Variants in PCDHGC3 observed in about 807,000 individuals in gnomAD.
The protein encoded by PCDHGC3 is protocadherin gamma-C3.
A neutral mutation model predicts 59.2 loss-of-function variants in PCDHGC3; 26 were observed. The ratio of observed to expected loss-of-function variants is 0.44; its 90% CI spans 0.32 to 0.61. The LOEUF (loss-of-function observed/expected upper bound fraction) is 0.61, where lower values mean the gene tolerates loss of function less well. PCDHGC3 is among the 20% of genes least tolerant of loss of function. The pLI is 0.05. For missense variants in PCDHGC3, 1,080 were observed against 1,221.8 expected (o/e 0.88, Z 1.73); for synonymous variants, 487 against 519.7 (o/e 0.94, Z 0.86).
At position 141,511,574 on chromosome 5, in the gene PCDHGC3, GT is replaced by G. The variant is rs1158598698; in HGVS notation, c.*403del. ...CAGTTCCTCTTTCCCGAGTAAGGTG[GT>G]TGGGGTGTTGAAGTACCAAGTAACC... On this transcript the variant is annotated 3_prime_UTR_variant, in exon 4 of 4. Coordinates refer to ENST00000308177, the MANE Select transcript of PCDHGC3 (RefSeq NM_002588.4). 3.5e-6 allele frequency: 1 copy of G among 287,556 alleles called. No individual in the cohort carries two copies. The highest frequency in any genetic ancestry group is 2.2e-5 in the African/African-American group (1 of 46,340). 17.8% of individuals were successfully genotyped at this position (287,556 alleles called of 1,614,324 possible).
At chr5:141,510,402 G>A (rs2099880998) in intron 3 of PCDHGC3, among the ~76,000 whole-genome samples, 1 of 152,008 alleles carries the variant, frequency 6.6e-6, no homozygotes, top group African/African-American at 2.4e-5. Flanking sequence ...GCAAAGGCTA[G>A]GGGCATGTAA....
At chr5:141,505,935 C>T (rs2099849264) in intron 3 of PCDHGC3, among the ~76,000 whole-genome samples, 1 of 152,146 alleles carries the variant, frequency 6.6e-6, no homozygotes, top group African/African-American at 2.4e-5. Flanking sequence ...CGCTTGGAAG[C>T]CCTCAAGCAA....
Position 141,478,259 on chromosome 5 carries a change from T to G in PCDHGC3, c.2143T>G (p.Phe715Val). 1 of 1,614,182 alleles carries G rather than the reference T, an allele frequency of 6.2e-7. No homozygotes were observed. The change falls in exon 1 of 4, where the codon TTC becomes GTC. Residue 715 changes from phenylalanine to valine, a missense_variant. Coordinates refer to ENST00000308177, the MANE Select transcript of PCDHGC3 (RefSeq NM_002588.4). ...GGTCACAGTGTTCGGAGTAATCATA[T>G]TCAAAGTTTACAAGTGGAAGCAGTC... The part of the protein sequence containing the change: ...FVVTVFGVII[F>V]KVYKWKQSRD...
At chr5:141,492,703 G>A (rs2099743198) in intron 1 of PCDHGC3, among the ~76,000 whole-genome samples, 1 of 152,246 alleles carries the variant, frequency 6.6e-6, no homozygotes, top group Non-Finnish European at 1.5e-5. Flanking sequence ...CAACCCAGAA[G>A]CCTCGAGCAG....
chr5:141,503,209 C>T (rs963237902), intron 2 of PCDHGC3, among the ~76,000 whole-genome samples: 3 of 152,020 alleles, frequency 2.0e-5, no homozygotes, highest in African/African-American at 7.3e-5. Context: ...TCTCAGTGCC[C>T]ACCATGAGCA....
At chr5:141,504,991 G>A (rs896449285) in intron 2 of PCDHGC3, among the ~76,000 whole-genome samples, 44 of 152,034 alleles carry the variant, frequency 2.9e-4, no homozygotes, top group Admixed American at 2.6e-3. Context: ...GTGAAACCCC[G>A]TCTGTACTAA....
Position 141,491,401 on chromosome 5 carries a change from G to A in PCDHGC3, c.2431-3406G>A. The A allele has an allele frequency of 6.2e-7, 1 of 1,614,100 alleles. No homozygotes were observed. ...GTCAGCGAAGTGCCTTCAGGGAAAC[G>A]CAGACGGGGACGGGGGTGGAGGGCA... On this transcript the variant is annotated intron_variant, in intron 1 of 3. Transcript: ENST00000308177. This position sits in a 1 kb window ranked among gnomAD's most constrained non-coding sequence, Gnocchi z 6.9.
In PCDHGC3 at chr5:141,477,913, T is replaced by G; in HGVS notation, c.1797T>G (p.Asp599Glu). ...CACGGGTGGTAGGCTGGGACGCGGA[T>G]GCAGGGCACAATGCCTGGCTCTCCT... ...LVSRVVGWDADAGHNAWLSYS... is the reference protein window; with the variant it reads ...LVSRVVGWDAEAGHNAWLSYS... Residue 599 changes from aspartate (D) to glutamate (E), a missense_variant, in exon 1 of 4, where the codon GAT becomes GAG. By Grantham distance (45) the Asp-to-Glu change is conservative (BLOSUM62 2). Transcript: ENST00000308177. This position sits in a 1 kb window ranked among gnomAD's most constrained non-coding sequence, Gnocchi z 4.9. 6.2e-7 allele frequency: 1 copy of G among 1,614,190 alleles called. No individual in the cohort carries two copies. Among genetic ancestry groups the G allele is most frequent in the Non-Finnish European group, 8.5e-7 (1 of 1,180,024 alleles).
At chr5:141,503,620 A>C (rs1475731896) in intron 2 of PCDHGC3, among the ~76,000 whole-genome samples, 1 of 152,026 alleles carries the variant, frequency 6.6e-6, no homozygotes, top group East Asian at 1.9e-4. Flanking sequence ...AAAAAGAAAA[A>C]AGAAAAGAAA....
intron 2 of PCDHGC3, among the ~76,000 whole-genome samples, chr5:141,500,935 C>A (rs1159997919): frequency 1.3e-5 from 2 of 151,694 alleles, no homozygotes; most frequent in Non-Finnish European, 2.9e-5. Flanking sequence ...GTGGCGCCAT[C>A]TCGGCTCACT....
At position 141,490,381 on chromosome 5, in the gene PCDHGC3, A is replaced by T. The variant is rs770046796; in HGVS notation, c.2431-4426A>T. 1 of 1,614,240 alleles carries T rather than the reference A, an allele frequency of 6.2e-7. No homozygotes were observed. The highest frequency in any genetic ancestry group is 1.1e-5 in the South Asian group (1 of 91,090). On this transcript the variant is annotated intron_variant, in intron 1 of 3. Coordinates refer to ENST00000308177, the MANE Select transcript of PCDHGC3 (RefSeq NM_002588.4). This position sits in a 1 kb window ranked among gnomAD's most constrained non-coding sequence, Gnocchi z 5.4. ...TAATGTGCGAGACCGGGACTCAGGT[A>T]GAAATGGTGAAGTGAGCCTTGATAT...
intron 2 of PCDHGC3, among the ~76,000 whole-genome samples, chr5:141,505,066 G>A (rs1312509903): frequency 6.6e-6 from 1 of 152,190 alleles, no homozygotes; most frequent in Non-Finnish European, 1.5e-5. Flanking sequence ...GGAGACTGAG[G>A]CAGGAGAATC....
Position 141,476,543 on chromosome 5 carries a change from G to A in PCDHGC3, c.427G>A (p.Glu143Lys), listed in dbSNP as rs1419273574. 1 of 1,614,220 alleles carries A rather than the reference G, an allele frequency of 6.2e-7. No individual in the cohort carries two copies. Among genetic ancestry groups the A allele is most frequent in the South Asian group, 1.1e-5 (1 of 91,084 alleles). Residue 143 changes from glutamate (E) to lysine (K), a missense_variant, in exon 1 of 4, where the codon GAG becomes AAG. Transcript: ENST00000308177. The surrounding 1 kb of genome is among the most constrained non-coding windows in gnomAD (Gnocchi z 7.6). The part of the protein sequence containing the change: ...PAFPTQEMKL[E>K]ISEAVAPGTR... ...TTTCCCTACCCAGGAAATGAAATTG[G>A]AGATTAGCGAGGCCGTGGCTCCGGG...
rs2099669219 is a variant in PCDHGC3, at chr5:141,487,927, C to T, written c.2431-6880C>T. 3 of 626,498 alleles carry T rather than the reference C, an allele frequency of 4.8e-6. No homozygotes were observed. Among genetic ancestry groups the T allele is most frequent in the Admixed American group, 5.9e-5 (2 of 34,100 alleles). The allele number at this position is 626,498 out of a possible 1,614,324, so 38.8% of individuals were successfully genotyped here. On this transcript the variant is annotated intron_variant, in intron 1 of 3. Coordinates refer to ENST00000308177, the MANE Select transcript of PCDHGC3 (RefSeq NM_002588.4). The surrounding 1 kb of genome is among the most constrained non-coding windows in gnomAD (Gnocchi z 5.0). ...TGGGAGCACAGGAGGCTACAGTGCA[C>T]AGGGTACAGTGCACCAGGCAGTCAC...
At chr5:141,488,951 A>G (rs2099680664) in intron 1 of PCDHGC3, among the ~76,000 whole-genome samples, 1 of 152,118 alleles carries the variant, frequency 6.6e-6, no homozygotes, top group Admixed American at 6.5e-5. Flanking sequence ...ATTGGTTGAG[A>G]GCACACAGAC....
At position 141,501,290 on chromosome 5, in the gene PCDHGC3, TACACACACACAC is replaced by T. The variant is rs55762287; in HGVS notation, c.2490-4070_2490-4059del. Among the ~76,000 whole-genome samples, 15 of 136,248 alleles carry T rather than the reference TACACACACACAC, an allele frequency of 1.1e-4. No homozygotes were observed. The South Asian group carries it at 1.2e-3, about 11-fold the overall frequency. The allele number at this position is 136,248 out of a possible 152,430, so 89.4% of individuals were successfully genotyped here. A position where few individuals can be genotyped will look rare whatever the true frequency, so the allele number is the denominator to read the frequency against. ...GTCCAGTCTATGGGATATTCCCTTA[TACACACACACAC>T]ACACACACACACACACACACACACA... On this transcript the variant is annotated intron_variant, in intron 2 of 3. Transcript: ENST00000308177.
Position 141,476,605 on chromosome 5 carries a change from T to C in PCDHGC3, c.489T>C (p.Asp163=), listed in dbSNP as rs1394742940. ...CGCTCGAGAGCGCGCACGATCCCGATGTGGGAAGCAACTCTTTACAAACCT... is the reference window on the plus strand; with the variant it reads ...CGCTCGAGAGCGCGCACGATCCCGACGTGGGAAGCAACTCTTTACAAACCT... The part of the protein sequence containing the change: ...RFPLESAHDP[D]VGSNSLQTYE... The change falls in exon 1 of 4, where the codon GAT becomes GAC. Residue 163 remains aspartate (D), a synonymous_variant. Transcript: ENST00000308177. This position sits in a 1 kb window ranked among gnomAD's most constrained non-coding sequence, Gnocchi z 7.6. 1.9e-6 allele frequency: 3 copies of C among 1,614,066 alleles called. No individual in the cohort carries two copies. In the East Asian group the frequency reaches 6.7e-5, roughly 36 times the overall value.
At position 141,494,704 on chromosome 5, in the gene PCDHGC3, T is replaced by C. The variant is rs2099756232; in HGVS notation, c.2431-103T>C. Reference sequence around the variant, plus strand: ...CCCCCTCTTAGTCCGTTTTCTTCTCTGTGCCCACTCCCCTCCTTCTCTCCC... The same window carrying C: ...CCCCCTCTTAGTCCGTTTTCTTCTCCGTGCCCACTCCCCTCCTTCTCTCCC... On this transcript the variant is annotated intron_variant, in intron 1 of 3. Transcript: ENST00000308177. The C allele has an allele frequency of 3.1e-6, 5 of 1,597,570 alleles. No individual in the cohort carries two copies. The Admixed American group carries it at 8.5e-5, about 27-fold the overall frequency.
Position 141,489,956 on chromosome 5 carries a change from C to CTCCAACCT in PCDHGC3, c.2431-4845_2431-4838dup, listed in dbSNP as rs1176419823. Reference sequence around the variant, plus strand: ...ATCGTGCTGGACATCAATGATAATGCTCCAACCTTCCAATCCTCAGTTCTA... The same window carrying CTCCAACCT: ...ATCGTGCTGGACATCAATGATAATGCTCCAACCTTCCAACCTTCCAATCCTCAGTTCTA... On this transcript the variant is annotated intron_variant, in intron 1 of 3. Coordinates refer to ENST00000308177, the MANE Select transcript of PCDHGC3 (RefSeq NM_002588.4). The surrounding 1 kb of genome is among the most constrained non-coding windows in gnomAD (Gnocchi z 4.5). 16 of 1,614,012 alleles carry CTCCAACCT rather than the reference C, an allele frequency of 9.9e-6. No individual in the cohort carries two copies. The highest frequency in any genetic ancestry group is 1.4e-5 in the Non-Finnish European group (16 of 1,179,974).
Sources: allele counts gnomAD v4.1 joint callset (sites outside exome capture counted in the v4.1 genomes callset), GRCh38; gene constraint gnomAD v4.1.1; non-coding constraint Gnocchi (gnomAD v3.1); transcripts MANE v1.5; gene names NCBI Gene and HGNC (gene_info 2026-07-23, HGNC 2026-07-21).